SERTM1: variants seen among roughly 807,000 people sequenced by gnomAD.
The protein encoded by SERTM1 is serine-rich and transmembrane domain-containing protein 1.
Under a neutral mutation model 5.5 loss-of-function variants are expected in SERTM1, and 1 was observed. That is an observed-to-expected ratio of 0.18 (90% CI 0.06 to 0.86). The LOEUF is 0.86. Among genes scored for constraint, SERTM1 ranks in the 40% least tolerant of loss-of-function variants. SERTM1 has a pLI of 0.69. For synonymous variants in SERTM1, 52 were observed against 55.1 expected (o/e 0.94, Z 0.25); for missense variants, 91 against 122.4 (o/e 0.74, Z 1.21).
chr13:36,677,116 A>ATGCTC (rs1302890247), intron 1 of SERTM1, among the ~76,000 whole-genome samples: 1 of 152,218 alleles, frequency 6.6e-6, no homozygotes, highest in African/African-American at 2.4e-5. Context: ...CCTAGGATAC[A>ATGCTC]ACGTCTTCAT....
intron 1 of SERTM1, among the ~76,000 whole-genome samples, chr13:36,686,433 G>A (rs568148511): frequency 1.2e-4 from 18 of 152,082 alleles, no homozygotes; most frequent in South Asian, 4.1e-4. Context: ...CAACTTGCAC[G>A]TTGCAAATTT....
intron 1 of SERTM1, among the ~76,000 whole-genome samples, chr13:36,683,000 A>T (rs1181210713): frequency 6.6e-6 from 1 of 152,128 alleles, no homozygotes; most frequent in Non-Finnish European, 1.5e-5. Flanking sequence ...GGTTCAAATG[A>T]TTCTCCTGCC....
chr13:36,689,730 T>C (rs1437409418), intron 1 of SERTM1, among the ~76,000 whole-genome samples: 5 of 151,730 alleles, frequency 3.3e-5, no homozygotes, highest in South Asian at 2.1e-4. Context: ...AAGAAAGATA[T>C]ATTGTGAATA....
At chr13:36,678,583 A>T (rs1455472556) in intron 1 of SERTM1, among the ~76,000 whole-genome samples, 1 of 151,302 alleles carries the variant, frequency 6.6e-6, no homozygotes, top group Non-Finnish European at 1.5e-5. Context: ...ATGTGATGGG[A>T]TGATAGGTGC....
chr13:36,692,015 G>A (rs946455559), intron 1 of SERTM1, among the ~76,000 whole-genome samples: 4 of 152,148 alleles, frequency 2.6e-5, no homozygotes, highest in Non-Finnish European at 5.9e-5. Flanking sequence ...CACATACTCT[G>A]TTGTTTCAGA....
At chr13:36,689,975 A>T (rs2056767788) in intron 1 of SERTM1, among the ~76,000 whole-genome samples, 1 of 152,190 alleles carries the variant, frequency 6.6e-6, no homozygotes, top group African/African-American at 2.4e-5. Context: ...TTGATTCTTA[A>T]AATAAAGCAC....
At position 36,697,312 on chromosome 13, in the gene SERTM1, A is replaced by AT. The variant is rs2056822145; in HGVS notation, c.*1910_*1911insT. 4.3e-4 allele frequency: 62 copies of AT among 143,828 alleles called. 1 individual carries two copies. The highest frequency in any genetic ancestry group is 1.7e-3 in the African/African-American group (62 of 36,212). 8.9% of individuals were successfully genotyped at this position (143,828 alleles called of 1,614,324 possible). On this transcript the variant is annotated 3_prime_UTR_variant, in exon 2 of 2. Transcript: ENST00000315190. ...ATACGCACACACACACACACACATA[A>AT]ATATATATATATATATATATATATA...
intron 1 of SERTM1, among the ~76,000 whole-genome samples, chr13:36,692,632 GA>G (rs1426775236): frequency 6.6e-6 from 1 of 152,200 alleles, no homozygotes; most frequent in Non-Finnish European, 1.5e-5. Context: ...TATGATTATG[GA>G]AAATGTTATC....
At chr13:36,689,767 A>G (rs2056766487) in intron 1 of SERTM1, among the ~76,000 whole-genome samples, 1 of 151,846 alleles carries the variant, frequency 6.6e-6, no homozygotes. Context: ...TTACGTAGAT[A>G]ACTAATTTTT....
chr13:36,686,001 T>G (rs966230460), intron 1 of SERTM1, among the ~76,000 whole-genome samples: 4 of 152,188 alleles, frequency 2.6e-5, no homozygotes, highest in African/African-American at 4.8e-5. Flanking sequence ...GCAGGAGAGA[T>G]ATCCTTGGCT....
chr13:36,674,313 G>A (rs2056656428), intron 1 of SERTM1, 129 bp downstream of exon 1: 1 of 151,922 alleles, frequency 6.6e-6, no homozygotes, highest in African/African-American at 2.4e-5. Flanking sequence ...TCTCCCCCGA[G>A]ATCTGGGCTC....
intron 1 of SERTM1, among the ~76,000 whole-genome samples, chr13:36,681,623 T>G (rs1357006849): frequency 6.6e-6 from 1 of 152,230 alleles, no homozygotes. Context: ...GGATTTTCCT[T>G]GACCCTTTTT....
At chr13:36,676,384 T>A (rs974007236) in intron 1 of SERTM1, among the ~76,000 whole-genome samples, 3 of 152,088 alleles carry the variant, frequency 2.0e-5, no homozygotes, top group African/African-American at 7.2e-5. Flanking sequence ...CTTCTCCCTA[T>A]ACTTATATTA....
chr13:36,679,379 TTTTG>T (rs997432874), intron 1 of SERTM1, among the ~76,000 whole-genome samples: 13 of 152,218 alleles, frequency 8.5e-5, no homozygotes, highest in East Asian at 7.7e-4. Context: ...TAGTCAATTT[TTTTG>T]TTTGTTTGTT....
At chr13:36,678,036 T>A (rs960828837) in intron 1 of SERTM1, among the ~76,000 whole-genome samples, 2 of 151,926 alleles carry the variant, frequency 1.3e-5, no homozygotes, top group African/African-American at 4.8e-5. Context: ...GTATAGACAG[T>A]ACAGAAAAAG....
chr13:36,689,540 A>G (rs1278423496), intron 1 of SERTM1, among the ~76,000 whole-genome samples: 1 of 148,212 alleles, frequency 6.7e-6, no homozygotes, highest in African/African-American at 2.5e-5. Context: ...TAATAATAAT[A>G]ATAATAGTTT....
At chr13:36,684,187 C>T (rs1420326649) in intron 1 of SERTM1, among the ~76,000 whole-genome samples, 1 of 152,040 alleles carries the variant, frequency 6.6e-6, no homozygotes, top group African/African-American at 2.4e-5. Context: ...CTCCCAGATA[C>T]TGGGGAGGCT....
chr13:36,675,461 T>C (rs1382774052), intron 1 of SERTM1, among the ~76,000 whole-genome samples: 2 of 152,192 alleles, frequency 1.3e-5, no homozygotes, highest in Non-Finnish European at 2.9e-5. Flanking sequence ...AGTGACAGTC[T>C]TTTCTTAAAG....
intron 1 of SERTM1, among the ~76,000 whole-genome samples, chr13:36,681,336 G>C (rs1035067537): frequency 6.6e-6 from 1 of 152,168 alleles, no homozygotes; most frequent in African/African-American, 2.4e-5. Context: ...ATCTCACAGG[G>C]ACCTGTAACC....
Sources: allele counts gnomAD v4.1 joint callset (sites outside exome capture counted in the v4.1 genomes callset), GRCh38; gene constraint gnomAD v4.1.1; transcripts MANE v1.5; gene names NCBI Gene and HGNC (gene_info 2026-07-23, HGNC 2026-07-21).